The following ZNF285 variants were observed in gnomAD, a reference collection of about 807,000 sequenced individuals.
ZNF285 encodes zinc finger protein 285A.
A neutral mutation model predicts 6.2 loss-of-function variants in ZNF285; 4 were observed. The ratio of observed to expected loss-of-function variants is 0.65; its 90% CI spans 0.32 to 1.49. ZNF285 has a LOEUF of 1.49. Ranked by LOEUF, ZNF285 falls within the 40% of genes most tolerant of loss-of-function variation. The pLI, the probability that ZNF285 is intolerant of heterozygous loss-of-function variation, is 0.07. For synonymous variants in ZNF285, 240 were observed against 245.8 expected, an observed-to-expected ratio of 0.98 and a Z score of 0.22; for missense variants, 695 against 708.8, an observed-to-expected ratio of 0.98 and a Z score of 0.22.
intron 1 of ZNF285, among the ~76,000 whole-genome samples, chr19:44,399,017 C>T (rs1411511261): frequency 6.6e-6 from 1 of 151,970 alleles, no homozygotes; most frequent in African/African-American, 2.4e-5. Context: ...AATTAAAGCC[C>T]AATTGTTATT....
intron 3 of ZNF285, among the ~76,000 whole-genome samples, chr19:44,390,160 C>CT (rs1971169181): frequency 6.6e-6 from 1 of 151,944 alleles, no homozygotes; most frequent in South Asian, 2.1e-4. Flanking sequence ...AAGAGGGCCA[C>CT]TGTCCTTCAG....
At chr19:44,393,340 T>C (rs1971228867) in intron 2 of ZNF285, among the ~76,000 whole-genome samples, 2 of 152,176 alleles carry the variant, frequency 1.3e-5, no homozygotes, top group Admixed American at 6.5e-5. Context: ...TCCTGATAAA[T>C]TGAAATTTCT....
intron 1 of ZNF285, among the ~76,000 whole-genome samples, chr19:44,399,465 CTCAA>C (rs1038627736): frequency 2.8e-5 from 4 of 145,424 alleles, no homozygotes; most frequent in African/African-American, 1.1e-4. Context: ...TTAACAAGCA[CTCAA>C]TCAATGTTTC....
At chr19:44,391,332 G>A (rs1460487857) in intron 3 of ZNF285, among the ~76,000 whole-genome samples, 1 of 151,862 alleles carries the variant, frequency 6.6e-6, no homozygotes, top group Non-Finnish European at 1.5e-5. Context: ...TATCAGCAGT[G>A]TGAAAACAGA....
chr19:44,386,888 C>A lies in ZNF285; in HGVS notation c.1357G>T (p.Glu453Ter). ...CACACATTGCATTTGTATGGTTTCT[C>A]CCCTGTGTGGACTCTCTGGTGAATG... ...LHIHQRVHTGEKPYKCNVCGK... is the reference protein window; with the variant it reads ...LHIHQRVHTG Residue 453 changes from glutamate to a stop codon, truncating the protein, a stop_gained, in exon 4 of 4, where the codon GAG becomes TAG. Coordinates refer to ENST00000614994, the MANE Select transcript of ZNF285 (RefSeq NM_152354.6). LOFTEE classifies it low-confidence loss of function (END_TRUNC). 1 of 1,614,202 alleles carries A rather than the reference C, an allele frequency of 6.2e-7. No homozygotes were observed. Among genetic ancestry groups the A allele is most frequent in the Non-Finnish European group, 8.5e-7 (1 of 1,180,024 alleles).
intron 3 of ZNF285, 169 bp downstream of exon 3, chr19:44,392,171 G>A (rs1169207353): frequency 2.7e-6 from 4 of 1,474,294 alleles, no homozygotes; most frequent in African/African-American, 2.8e-5. Flanking sequence ...CAAGGGGCCA[G>A]ATCTGTAAAA....
At position 44,387,291 on chromosome 19, in the gene ZNF285, A is replaced by G; in HGVS notation, c.954T>C (p.Cys318=). The G allele has an allele frequency of 6.8e-6, 11 of 1,614,134 alleles. No homozygotes were observed. Among genetic ancestry groups the G allele is most frequent in the Non-Finnish European group, 9.3e-6 (11 of 1,180,020 alleles). The change falls in exon 4 of 4, where the codon TGT becomes TGC. Residue 318 remains cysteine, a synonymous_variant. Transcript: ENST00000614994. ...KVSSGDKPYK[C]KECGKGFRRS... ...GCCTGAAGCCCTTGCCACATTCTTT[A>G]CATTTGTAGGGTTTGTCTCCTGAGG... is the stretch of plus-strand genomic sequence containing the variant.
chr19:44,397,390 C>T, intron 1 of ZNF285, 134 bp from the exon 2 acceptor site: 1 of 1,059,206 alleles, frequency 9.4e-7, no homozygotes, highest in Non-Finnish European at 1.4e-6. Flanking sequence ...TCTGAACAGA[C>T]TGAACTCCCA....
rs78957404 is a variant in ZNF285, at chr19:44,395,966, T to A, written c.15+1233A>T. 6.6e-5 allele frequency among the ~76,000 whole-genome samples: 10 copies of A among 152,226 alleles called. No homozygotes were observed. The East Asian group carries it at 1.2e-3, about 18-fold the overall frequency. ...CATTGAGGACACTGTTACAGGAGGC[T>A]GGAAAAATGGTGACCTGGGTGATGC... On this transcript the variant is annotated intron_variant, in intron 2 of 3. Transcript: ENST00000614994.
Position 44,387,418 on chromosome 19 carries a change from A to G in ZNF285, c.827T>C (p.Ile276Thr), listed in dbSNP as rs1971108372. Residue 276 changes from isoleucine to threonine, a missense_variant, in exon 4 of 4, where the codon ATC (isoleucine) becomes ACC (threonine). Coordinates refer to ENST00000614994, the MANE Select transcript of ZNF285 (RefSeq NM_152354.6). ...GCCAGAGTGAGTTTTACAATGAACG[A>G]TAAGATCTTGGCTCTGACTAAAGTT... ...GKNFSQSQDL[I>T]VHCKTHSGKT... 6.2e-7 allele frequency: 1 copy of G among 1,614,166 alleles called. No homozygotes were observed. Among genetic ancestry groups the G allele is most frequent in the Non-Finnish European group, 8.5e-7 (1 of 1,180,028 alleles).
chr19:44,387,591 C>T lies in ZNF285; in HGVS notation c.654G>A (p.Thr218=), dbSNP rs138414847. 2.8e-5 allele frequency: 45 copies of T among 1,613,866 alleles called. No homozygotes were observed. In the South Asian group the frequency reaches 3.4e-4, roughly 12 times the overall value. Residue 218 remains threonine (T), a synonymous_variant, in exon 4 of 4, where the codon ACG becomes ACA. Coordinates refer to ENST00000614994, the MANE Select transcript of ZNF285 (RefSeq NM_152354.6). ...SCGKNLGMKS[T]VEKRNAAHVL... ...CATGGGCCGCATTACGTTTTTCAAC[C>T]GTTGATTTCATACCCAAGTTTTTCC...
At chr19:44,399,096 C>A (rs558646911) in intron 1 of ZNF285, among the ~76,000 whole-genome samples, 1 of 151,872 alleles carries the variant, frequency 6.6e-6, no homozygotes, top group East Asian at 1.9e-4. Flanking sequence ...TGGTCACAGA[C>A]CAATATCATT....
In ZNF285 at chr19:44,390,397, T is replaced by C. The variant is rs189402534; in HGVS notation, c.142+1943A>G. ...TGACTTTTAAGATTTGACTGCCCTG[T>C]TGGATTTCAGACTTGCATGGGGCCT... On this transcript the variant is annotated intron_variant, in intron 3 of 3. Coordinates refer to ENST00000614994, the MANE Select transcript of ZNF285 (RefSeq NM_152354.6). Among the ~76,000 whole-genome samples the C allele has an allele frequency of 4.5e-3, 681 of 152,298 alleles. 9 individuals carry two copies. The highest frequency in any genetic ancestry group is 2.4e-3 in the Non-Finnish European group (165 of 68,036).
Position 44,387,525 on chromosome 19 carries a change from G to A in ZNF285, c.720C>T (p.Ala240=). ...QPFPCNNCGV[A]FADDTDPHVH... ...CATGAGGATCTGTATCATCTGCAAA[G>A]GCCACCCCACAGTTATTACATGGGA... is the stretch of plus-strand genomic sequence containing the variant. Residue 240 remains alanine (A), a synonymous_variant, in exon 4 of 4, where the codon GCC becomes GCT. Transcript: ENST00000614994. 1.2e-6 allele frequency: 2 copies of A among 1,613,908 alleles called. No individual in the cohort carries two copies.
chr19:44,390,113 G>T (rs1442575656), intron 3 of ZNF285, among the ~76,000 whole-genome samples: 1 of 152,128 alleles, frequency 6.6e-6, no homozygotes, highest in Non-Finnish European at 1.5e-5. Flanking sequence ...CCCCCACACA[G>T]AGTCCCTACT....
rs761890644 is a variant in ZNF285 at position 44,383,795 on chromosome 19, G to A, written c.*2677C>T. 1 of 152,182 alleles carries A rather than the reference G, an allele frequency of 6.6e-6. No homozygotes were observed. The highest frequency in any genetic ancestry group is 1.5e-5 in the Non-Finnish European group (1 of 68,032). 9.4% of individuals were successfully genotyped at this position (152,182 alleles called of 1,614,324 possible). The stretch of plus-strand genomic sequence containing the variant: ...GATCTCTGCATCTTCATTTGTAAAT[G>A]AGATTGGCTCCCACTGATTGGGAGC... On this transcript the variant is annotated 3_prime_UTR_variant, in exon 4 of 4. Coordinates refer to ENST00000614994, the MANE Select transcript of ZNF285 (RefSeq NM_152354.6).
Position 44,400,870 on chromosome 19 carries a change from C to G in ZNF285, c.-44+698G>C, listed in dbSNP as rs112748686. Among the ~76,000 whole-genome samples the G allele has an allele frequency of 1.5e-3, 233 of 152,208 alleles. 3 individuals are homozygous for G. The highest frequency in any genetic ancestry group is 2.9e-3 in the Non-Finnish European group (195 of 68,012). ...TGCTGGGATTACAGGCGTGAGGCAC[C>G]GCGCCAGGCCTGGGACAGTTCTTTT... On this transcript the variant is annotated intron_variant, in intron 1 of 3. Coordinates refer to ENST00000614994, the MANE Select transcript of ZNF285 (RefSeq NM_152354.6).
rs147629199 is a variant in ZNF285 at position 44,398,644 on chromosome 19, GC to G, written c.-43-1389del. Among the ~76,000 whole-genome samples, 1,063 of 152,226 alleles carry G rather than the reference GC, an allele frequency of 7.0e-3. 14 individuals are homozygous for G. The highest frequency in any genetic ancestry group is 0.024 in the African/African-American group (1,000 of 41,496). ...TATCCTTTGTTGATTACCACAGCCT[GC>G]CTACAACTTTATAGATTGTCCCTTT... On this transcript the variant is annotated intron_variant, in intron 1 of 3. Coordinates refer to ENST00000614994, the MANE Select transcript of ZNF285 (RefSeq NM_152354.6).
chr19:44,394,435 A>T, intron 2 of ZNF285: 1 of 442,324 alleles, frequency 2.3e-6, no homozygotes, highest in Non-Finnish European at 4.0e-6. Context: ...GTACTGAAAT[A>T]ACCTATTGGG....
Sources: allele counts gnomAD v4.1 joint callset (sites outside exome capture counted in the v4.1 genomes callset), GRCh38; gene constraint gnomAD v4.1.1; transcripts MANE v1.5; gene names NCBI Gene and HGNC (gene_info 2026-07-23, HGNC 2026-07-21).